Variants in MAPK1IP1L observed in about 807,000 individuals in gnomAD.
MAPK1IP1L encodes mitogen-activated protein kinase 1 interacting protein 1 like, also known as MAPK-interacting and spindle-stabilizing protein-like.
Under a neutral mutation model 18.1 loss-of-function variants are expected in MAPK1IP1L, and 10 were observed. The ratio of observed to expected loss-of-function variants is 0.55; its 90% CI spans 0.34 to 0.94. MAPK1IP1L has a LOEUF of 0.94. Ranked by LOEUF, MAPK1IP1L falls within the 40% of genes least tolerant of loss-of-function variation. The pLI is 0.02. For missense variants in MAPK1IP1L, 260 were observed against 318.2 expected (o/e 0.82, Z 1.39); for synonymous variants, 115 against 117.3 (o/e 0.98, Z 0.13).
chr14:55,069,329 A>G lies in MAPK1IP1L; in HGVS notation c.*4702A>G, dbSNP rs543982047. ...CTAAAATGTGATTTGAGACATATAC[A>G]TATGTTTGTATTATAAATTGTAAGC... On this transcript the variant is annotated 3_prime_UTR_variant, in exon 4 of 4. Transcript: ENST00000395468. 74 of 152,746 alleles carry G rather than the reference A, an allele frequency of 4.8e-4. No individual in the cohort carries two copies. The highest frequency in any genetic ancestry group is 1.8e-3 in the African/African-American group (73 of 41,584). The allele number at this position is 152,746 out of a possible 1,614,324, so 9.5% of individuals were successfully genotyped here.
Position 55,062,889 on chromosome 14 carries a change from C to T in MAPK1IP1L, c.290C>T (p.Pro97Leu), listed in dbSNP as rs201897422. 1.1e-5 allele frequency: 17 copies of T among 1,614,152 alleles called. No homozygotes were observed. The highest frequency in any genetic ancestry group is 1.2e-5 in the Non-Finnish European group (14 of 1,180,014). ...CCTCCTTCCGGACCATCATGTCCCC[C>T]ACCTGGTGGTCCTTATCCAGCCCCA... The part of the protein sequence containing the change: ...PFPPSGPSCP[P>L]PGGPYPAPTV... The change falls in exon 3 of 4, where the codon CCA becomes CTA. Residue 97 changes from proline (P) to leucine (L), a missense_variant. Coordinates refer to ENST00000395468, the MANE Select transcript of MAPK1IP1L (RefSeq NM_144578.4).
At chr14:55,051,907 G>A in intron 1 of MAPK1IP1L, 104 bp downstream of exon 1, 1 of 413,194 alleles carries the variant, frequency 2.4e-6, no homozygotes, top group Non-Finnish European at 4.8e-6. Context: ...CGGTGACCGA[G>A]GTGCATCGAG....
In MAPK1IP1L at chr14:55,068,196, G is replaced by A. The variant is rs1388806806; in HGVS notation, c.*3569G>A. On this transcript the variant is annotated 3_prime_UTR_variant, in exon 4 of 4. Transcript: ENST00000395468. ...TGACTGTTTTGTGCATTTTACTGTT[G>A]GTTGTCTTCAGTAGAGAATAGTAAT... The A allele has an allele frequency of 1.3e-5, 2 of 150,302 alleles. No homozygotes were observed. The highest frequency in any genetic ancestry group is 5.1e-5 in the African/African-American group (2 of 39,352). 9.3% of individuals were successfully genotyped at this position (150,302 alleles called of 1,614,324 possible).
At chr14:55,060,724 T>C (rs992048322) in intron 1 of MAPK1IP1L, 1 of 152,200 alleles carries the variant, frequency 6.6e-6, no homozygotes, top group Non-Finnish European at 1.5e-5. Flanking sequence ...GGGGTGGTTA[T>C]AGGGGCGTAT....
In MAPK1IP1L at chr14:55,067,064, AT is replaced by A. The variant is rs757107829; in HGVS notation, c.*2458del. ...AGGTGCCCGCCACCATGCCCGGCTA[AT>A]TTTTTTTTTTTTTTTTTTTTAGTAG... On this transcript the variant is annotated 3_prime_UTR_variant, in exon 4 of 4. Coordinates refer to ENST00000395468, the MANE Select transcript of MAPK1IP1L (RefSeq NM_144578.4). The A allele has an allele frequency of 0.11, 14,204 of 128,256 alleles. 1,025 individuals carry two copies. Among genetic ancestry groups the A allele is most frequent in the African/African-American group, 0.22 (7,532 of 34,280 alleles). 7.9% of individuals were successfully genotyped at this position (128,256 alleles called of 1,614,324 possible). A position where few individuals can be genotyped will look rare whatever the true frequency, so the allele number is the denominator to read the frequency against.
At chr14:55,057,544 G>A (rs1171119135) in intron 1 of MAPK1IP1L, among the ~76,000 whole-genome samples, 1 of 152,070 alleles carries the variant, frequency 6.6e-6, no homozygotes, top group Non-Finnish European at 1.5e-5. Context: ...GGATCACAAG[G>A]TCAAGAGATG....
chr14:55,061,533 T>C (rs927114653), intron 1 of MAPK1IP1L, 147 bp from the exon 2 acceptor site: 7 of 603,058 alleles, frequency 1.2e-5, no homozygotes, highest in Non-Finnish European at 2.0e-5. Flanking sequence ...AAAACTTTCC[T>C]ATGTAAAGAA....
intron 1 of MAPK1IP1L, chr14:55,060,565 A>G (rs1265870424): frequency 1.3e-5 from 2 of 152,222 alleles, no homozygotes; most frequent in Non-Finnish European, 2.9e-5. Context: ...TAATAAAATG[A>G]TCAAAGGCAA....
chr14:55,063,365 C>T, intron 3 of MAPK1IP1L, 40 bp downstream of exon 3: 1 of 1,482,152 alleles, frequency 6.7e-7, no homozygotes, highest in Non-Finnish European at 9.2e-7. Flanking sequence ...ACTAATTGTA[C>T]ATAGCACAAC....
Position 55,068,690 on chromosome 14 carries a change from A to AAAC in MAPK1IP1L, c.*4065_*4067dup, listed in dbSNP as rs1444686373. ...TAAAGCAATATTTAGTATTGAAGAC[A>AAAC]AACACTTTTTATTTTCAGATTTCTG... On this transcript the variant is annotated 3_prime_UTR_variant, in exon 4 of 4. Transcript: ENST00000395468. 3 of 152,214 alleles carry AAAC rather than the reference A, an allele frequency of 2.0e-5. No individual in the cohort carries two copies. Among genetic ancestry groups the AAAC allele is most frequent in the Admixed American group, 2.0e-4 (3 of 15,280 alleles). The allele number at this position is 152,214 out of a possible 1,614,324, so 9.4% of individuals were successfully genotyped here.
chr14:55,051,705 T>A lies in MAPK1IP1L; in HGVS notation c.-103T>A, dbSNP rs537066847. The A allele has an allele frequency of 1.4e-5, 7 of 516,334 alleles. No homozygotes were observed. The highest frequency in any genetic ancestry group is 9.8e-5 in the South Asian group (7 of 71,464). 32.0% of individuals were successfully genotyped at this position (516,334 alleles called of 1,614,324 possible). A position where few individuals can be genotyped will look rare whatever the true frequency, so the allele number is the denominator to read the frequency against. ...CTGCTGGTGCTGTTGCCGCCGCTGC[T>A]CTAGCTGCCGTCAGTCAGGCTGCGC... On this transcript the variant is annotated 5_prime_UTR_variant, in exon 1 of 4. Coordinates refer to ENST00000395468, the MANE Select transcript of MAPK1IP1L (RefSeq NM_144578.4).
At chr14:55,054,682 G>A (rs1022339795) in intron 1 of MAPK1IP1L, among the ~76,000 whole-genome samples, 1 of 152,108 alleles carries the variant, frequency 6.6e-6, no homozygotes, top group African/African-American at 2.4e-5. Context: ...ATTCATGTCC[G>A]GGTTTCATCA....
chr14:55,064,754 TCA>T lies in MAPK1IP1L; in HGVS notation c.*128_*129del. 1 of 804,272 alleles carries T rather than the reference TCA, an allele frequency of 1.2e-6. No homozygotes were observed. Among genetic ancestry groups the T allele is most frequent in the Non-Finnish European group, 2.1e-6 (1 of 487,430 alleles). 49.8% of individuals were successfully genotyped at this position (804,272 alleles called of 1,614,324 possible). On this transcript the variant is annotated 3_prime_UTR_variant, in exon 4 of 4. Transcript: ENST00000395468. Reference sequence around the variant, plus strand: ...CATGAAAGAACAACTCTTGCACCTCTCAGAGAAGATAACTGCCTCTTGTACTT... The same window carrying T: ...CATGAAAGAACAACTCTTGCACCTCTGAGAAGATAACTGCCTCTTGTACTT...
intron 1 of MAPK1IP1L, 87 bp from the exon 2 acceptor site, chr14:55,061,593 T>C (rs2042818643): frequency 1.1e-6 from 1 of 929,768 alleles, no homozygotes; most frequent in Non-Finnish European, 1.6e-6. Flanking sequence ...AATGTATGCA[T>C]AGAAAGTTCC....
At position 55,065,128 on chromosome 14, in the gene MAPK1IP1L, A is replaced by G. The variant is rs954803911; in HGVS notation, c.*501A>G. On this transcript the variant is annotated 3_prime_UTR_variant, in exon 4 of 4. Coordinates refer to ENST00000395468, the MANE Select transcript of MAPK1IP1L (RefSeq NM_144578.4). ...AAATAAACCTGGTCCTCTTGAGGTT[A>G]TATTTTGGATATACATTTTTAAACT... The G allele has an allele frequency of 2.0e-5, 3 of 152,420 alleles. No homozygotes were observed. Among genetic ancestry groups the G allele is most frequent in the African/African-American group, 7.2e-5 (3 of 41,466 alleles). The allele number at this position is 152,420 out of a possible 1,614,324, so 9.4% of individuals were successfully genotyped here.
chr14:55,057,302 C>T (rs527307886), intron 1 of MAPK1IP1L, among the ~76,000 whole-genome samples: 1 of 152,098 alleles, frequency 6.6e-6, no homozygotes, highest in Admixed American at 6.5e-5. Flanking sequence ...TCTGGAAATA[C>T]CAGAGAATCA....
chr14:55,061,239 T>C (rs2042815672), intron 1 of MAPK1IP1L, among the ~76,000 whole-genome samples: 1 of 152,228 alleles, frequency 6.6e-6, no homozygotes, highest in Non-Finnish European at 1.5e-5. Context: ...TTTAATAATA[T>C]CCAGTGGTAA....
At chr14:55,052,418 A>G (rs1181884776) in intron 1 of MAPK1IP1L, among the ~76,000 whole-genome samples, 1 of 152,200 alleles carries the variant, frequency 6.6e-6, no homozygotes, top group East Asian at 1.9e-4. Context: ...CCCAGGGCAA[A>G]CCACGAGAAG....
intron 1 of MAPK1IP1L, 44 bp from the exon 2 acceptor site, chr14:55,061,635 AT>A (rs1428063237): frequency 1.4e-6 from 2 of 1,396,106 alleles, no homozygotes; most frequent in Non-Finnish European, 2.0e-6. Context: ...GTGAACACTG[AT>A]TTTGAAATTT....
Sources: gnomAD v4.1 joint callset for allele counts (sites outside exome capture counted in the v4.1 genomes callset) on GRCh38, gnomAD v4.1.1 for gene constraint, MANE v1.5 for transcripts, NCBI Gene and HGNC (gene_info 2026-07-23, HGNC 2026-07-21) for gene names.